The following ABLIM2 variants were observed in gnomAD, a reference collection of about 807,000 sequenced individuals.
The protein encoded by ABLIM2 is actin-binding LIM protein 2.
Under a neutral mutation model 97.7 loss-of-function variants are expected in ABLIM2, and 53 were observed. The ratio of observed to expected loss-of-function variants is 0.54; its 90% CI spans 0.44 to 0.68. The LOEUF (loss-of-function observed/expected upper bound fraction) is 0.68, where lower values mean the gene tolerates loss of function less well. Among genes scored for constraint, ABLIM2 ranks in the 30% least tolerant of loss-of-function variants. ABLIM2 has a pLI of 0.00. For synonymous variants in ABLIM2, 361 were observed against 345.8 expected, an observed-to-expected ratio of 1.04 and a Z score of -0.49; for missense variants, 835 against 867.2, an observed-to-expected ratio of 0.96 and a Z score of 0.47.
At chr4:8,086,514 AT>A (rs1823772938) in intron 4 of ABLIM2, among the ~76,000 whole-genome samples, 1 of 151,962 alleles carries the variant, frequency 6.6e-6, no homozygotes, top group African/African-American at 2.4e-5. Flanking sequence ...CACCAGGCTA[AT>A]TTTTGTACTT....
intron 8 of ABLIM2, among the ~76,000 whole-genome samples, chr4:8,049,412 G>C (rs1794615181): frequency 6.6e-6 from 1 of 152,144 alleles, no homozygotes; most frequent in Non-Finnish European, 1.5e-5. Flanking sequence ...ATTAAATGCT[G>C]GGGCTCCCCA....
intron 1 of ABLIM2, among the ~76,000 whole-genome samples, chr4:8,139,256 T>TGGAAG (rs1201869432): frequency 7.5e-5 from 9 of 120,656 alleles, no homozygotes; most frequent in East Asian, 4.6e-4. Context: ...GGGAGGGGAA[T>TGGAAG]GGAAGGGAAG....
Position 8,128,401 on chromosome 4 carries a change from C to T in ABLIM2, c.11-21764G>A, listed in dbSNP as rs902299977. On this transcript the variant is annotated intron_variant, in intron 1 of 20. Transcript: ENST00000447017. The surrounding 1 kb of genome is among the most constrained non-coding windows in gnomAD (Gnocchi z 4.9). ...GAGTCCAGCACCCCGTCATAGGATGCGTTGCACCTGCACACCCAGTACAGC... is the reference window on the plus strand; with the variant it reads ...GAGTCCAGCACCCCGTCATAGGATGTGTTGCACCTGCACACCCAGTACAGC... 6.6e-6 allele frequency among the ~76,000 whole-genome samples: 1 copy of T among 152,220 alleles called. No individual in the cohort carries two copies. The highest frequency in any genetic ancestry group is 2.4e-5 in the African/African-American group (1 of 41,456).
chr4:7,989,859 AT>A (rs1747282299), intron 17 of ABLIM2, among the ~76,000 whole-genome samples: 1 of 152,216 alleles, frequency 6.6e-6, no homozygotes, highest in South Asian at 2.1e-4. Flanking sequence ...GACACATGGT[AT>A]GCATCAGAGT....
rs1740724972 is a variant in ABLIM2 at position 7,983,568 on chromosome 4, A to C, written c.1736-14T>G. 1 of 1,613,058 alleles carries C rather than the reference A, an allele frequency of 6.2e-7. No homozygotes were observed. Among genetic ancestry groups the C allele is most frequent in the Non-Finnish European group, 8.5e-7 (1 of 1,179,608 alleles). ...TTACCTTGTATTCTGTAAGAGAGAGAGAGCGGAGACCACGAAATGGTTTAG... is the reference window on the plus strand; with the variant it reads ...TTACCTTGTATTCTGTAAGAGAGAGCGAGCGGAGACCACGAAATGGTTTAG... On this transcript the variant is annotated splice_polypyrimidine_tract_variant and intron_variant, in intron 18 of 20. Coordinates refer to ENST00000447017, the MANE Select transcript of ABLIM2 (RefSeq NM_001130083.2).
At chr4:8,137,047 G>A (rs950726121) in intron 1 of ABLIM2, among the ~76,000 whole-genome samples, 6 of 152,212 alleles carry the variant, frequency 3.9e-5, no homozygotes, top group African/African-American at 1.2e-4. Context: ...CATCTATGAG[G>A]AGGCGGCCCC....
rs58743429 is a variant in ABLIM2 at position 8,058,693 on chromosome 4, C to T, written c.763+2274G>A. On this transcript the variant is annotated intron_variant, in intron 7 of 20. Coordinates refer to ENST00000447017, the MANE Select transcript of ABLIM2 (RefSeq NM_001130083.2). This position sits in a 1 kb window ranked among gnomAD's most constrained non-coding sequence, Gnocchi z 4.2. ...GACCCTTGGGTCAGGCTCCTCTGAA[C>T]CCTCTTCTCAATTAGGCCTCGAACT... 0.15 allele frequency among the ~76,000 whole-genome samples: 22,493 copies of T among 152,110 alleles called. 2,014 individuals carry two copies. The highest frequency in any genetic ancestry group is 0.3 in the East Asian group (1,559 of 5,134).
rs115207417 is a variant in ABLIM2 at position 8,109,376 on chromosome 4, G to A, written c.11-2739C>T. Among the ~76,000 whole-genome samples the A allele has an allele frequency of 9.1e-3, 1,382 of 152,314 alleles. 20 individuals are homozygous for A. The highest frequency in any genetic ancestry group is 0.032 in the African/African-American group (1,318 of 41,566). ...GGGCTAAGCGTATTCACGCACAGAC[G>A]TACTCACTCACATCTATTTACCCAA... On this transcript the variant is annotated intron_variant, in intron 1 of 20. Coordinates refer to ENST00000447017, the MANE Select transcript of ABLIM2 (RefSeq NM_001130083.2).
rs972039362 is a variant in ABLIM2, at chr4:7,967,165, G to A, written c.1825-62C>T. 2.2e-5 allele frequency: 31 copies of A among 1,380,330 alleles called. No homozygotes were observed. In the South Asian group the frequency reaches 3.6e-4, roughly 16 times the overall value. 85.5% of individuals were successfully genotyped at this position (1,380,330 alleles called of 1,614,324 possible). On this transcript the variant is annotated intron_variant, in intron 20 of 20. Transcript: ENST00000447017. ...GCCACGCAGCAAGGGACACCATTGG[G>A]CAGTTTGCTGCCGCCAAGCAATCCA... is the stretch of plus-strand genomic sequence containing the variant.
chr4:8,059,042 G>A (rs561416371), intron 7 of ABLIM2, among the ~76,000 whole-genome samples: 6 of 152,082 alleles, frequency 3.9e-5, no homozygotes, highest in South Asian at 2.1e-4. Flanking sequence ...CATCCATTGC[G>A]ATGGTCCTGA....
intron 12 of ABLIM2, among the ~76,000 whole-genome samples, chr4:8,026,233 C>T (rs1335022829): frequency 6.6e-6 from 1 of 152,210 alleles, no homozygotes; most frequent in Non-Finnish European, 1.5e-5. Context: ...AACTCTTGGC[C>T]TCAAGTGATT....
intron 1 of ABLIM2, among the ~76,000 whole-genome samples, chr4:8,136,084 A>G (rs964741957): frequency 5.9e-5 from 9 of 152,234 alleles, no homozygotes; most frequent in Non-Finnish European, 1.2e-4. Context: ...CAGATGAGCA[A>G]AACGTGGTCT....
chr4:7,969,730 GACACACACACACACACACACAC>G (rs56236019), intron 20 of ABLIM2, among the ~76,000 whole-genome samples: 17 of 139,574 alleles, frequency 1.2e-4, no homozygotes, highest in Admixed American at 3.6e-4. Flanking sequence ...CTCTCTCTCT[GACACACACACACACACACACAC>G]ACACACACAC....
intron 1 of ABLIM2, among the ~76,000 whole-genome samples, chr4:8,107,055 A>G (rs1258832504): frequency 3.3e-5 from 5 of 152,242 alleles, no homozygotes; most frequent in Admixed American, 6.5e-5. Context: ...CTGTGAGCTC[A>G]GTAACCCTCA....
In ABLIM2 at chr4:8,058,122, C is replaced by A. The variant is rs557269153; in HGVS notation, c.763+2845G>T. Among the ~76,000 whole-genome samples the A allele has an allele frequency of 6.6e-6, 1 of 152,212 alleles. No homozygotes were observed. The highest frequency in any genetic ancestry group is 1.5e-5 in the Non-Finnish European group (1 of 68,028). The stretch of plus-strand genomic sequence containing the variant: ...GATGAGGTTACCCTTGATGTGAACT[C>A]GTGTCCCCGAGCTGCTGTCCCAAGG... On this transcript the variant is annotated intron_variant, in intron 7 of 20. Coordinates refer to ENST00000447017, the MANE Select transcript of ABLIM2 (RefSeq NM_001130083.2). This position sits in a 1 kb window ranked among gnomAD's most constrained non-coding sequence, Gnocchi z 4.2.
In ABLIM2 at chr4:8,068,154, T is replaced by C. The variant is rs561773983; in HGVS notation, c.676-7100A>G. Among the ~76,000 whole-genome samples, 1 of 152,260 alleles carries C rather than the reference T, an allele frequency of 6.6e-6. No homozygotes were observed. Among genetic ancestry groups the C allele is most frequent in the African/African-American group, 2.4e-5 (1 of 41,556 alleles). On this transcript the variant is annotated intron_variant, in intron 6 of 20. Transcript: ENST00000447017. This position sits in a 1 kb window ranked among gnomAD's most constrained non-coding sequence, Gnocchi z 4.5. The stretch of plus-strand genomic sequence containing the variant: ...GAGGAGTGCCTGAAACCTCGGCCGC[T>C]GGTTGTTCCAGTGGGCGCACGGCTC...
chr4:8,153,963 C>CTTTTT (rs55681745), intron 1 of ABLIM2, among the ~76,000 whole-genome samples: 10 of 131,866 alleles, frequency 7.6e-5, no homozygotes, highest in African/African-American at 8.4e-5. Context: ...AACTTCTTTT[C>CTTTTT]TTTTTTTTTT....
rs1301725765 is a variant in ABLIM2, at chr4:7,992,013, T to A, written c.1680+853A>T. Among the ~76,000 whole-genome samples, 1 of 152,158 alleles carries A rather than the reference T, an allele frequency of 6.6e-6. No individual in the cohort carries two copies. Among genetic ancestry groups the A allele is most frequent in the Non-Finnish European group, 1.5e-5 (1 of 68,028 alleles). On this transcript the variant is annotated intron_variant, in intron 17 of 20. Transcript: ENST00000447017. This position sits in a 1 kb window ranked among gnomAD's most constrained non-coding sequence, Gnocchi z 5.7. ...TCGGTTGAGAGGTGAATTGCCTCTA[T>A]TTATGAACAAATTTCCAGACTGGGA...
chr4:8,115,365 C>T (rs12649622), intron 1 of ABLIM2, among the ~76,000 whole-genome samples: 108,293 of 151,608 alleles, frequency 0.71, 39,682 homozygotes, highest in South Asian at 0.94. Context: ...TTCGCGCCTG[C>T]CTGCTGCACA....
Sources: gnomAD v4.1 joint callset for allele counts (sites outside exome capture counted in the v4.1 genomes callset) on GRCh38, gnomAD v4.1.1 for gene constraint, Gnocchi (gnomAD v3.1) non-coding constraint, MANE v1.5 for transcripts, NCBI Gene and HGNC (gene_info 2026-07-23, HGNC 2026-07-21) for gene names.